MAGI1: variants seen among roughly 807,000 people sequenced by gnomAD.
MAGI1 encodes membrane-associated guanylate kinase, WW and PDZ domain-containing protein 1.
A neutral mutation model predicts 139.9 loss-of-function variants in MAGI1; 58 were observed. That is an observed-to-expected ratio of 0.41 (90% CI 0.34 to 0.52). The LOEUF is 0.52. Among genes scored for constraint, MAGI1 ranks in the 20% least tolerant of loss-of-function variants. The pLI is 0.12. For missense variants in MAGI1, 1,874 were observed against 1,901.6 expected (o/e 0.99, Z 0.27); for synonymous variants, 812 against 737.9 (o/e 1.10, Z -1.63).
chr3:65,359,751 T>C, intron 22 of MAGI1: 1 of 985,808 alleles, frequency 1.0e-6, no homozygotes, highest in Non-Finnish European at 1.2e-6. Context: ...ACCATGTATT[T>C]AAATGATCTT....
At chr3:65,401,369 CCCT>C in intron 13 of MAGI1, 67 bp downstream of exon 13, 12 of 1,187,562 alleles carry the variant, frequency 1.0e-5, no homozygotes, top group Non-Finnish European at 1.3e-5. Flanking sequence ...ACACAGAGTA[CCCT>C]CCCACCTCCA....
At chr3:65,615,896 C>T (rs529721096) in intron 2 of MAGI1, among the ~76,000 whole-genome samples, 1 of 152,164 alleles carries the variant, frequency 6.6e-6, no homozygotes, top group African/African-American at 2.4e-5. Context: ...CAGTGATATC[C>T]TTGACACAGT....
At chr3:65,595,944 T>C (rs977853829) in intron 2 of MAGI1, among the ~76,000 whole-genome samples, 1 of 152,152 alleles carries the variant, frequency 6.6e-6, no homozygotes, top group African/African-American at 2.4e-5. Context: ...TGCTTCTGTT[T>C]GCTCAGTTGA....
chr3:65,741,753 A>G (rs966957965), intron 1 of MAGI1, among the ~76,000 whole-genome samples: 5 of 152,200 alleles, frequency 3.3e-5, no homozygotes, highest in African/African-American at 9.7e-5. Context: ...CATAGACATC[A>G]AAGGATGTGT....
At chr3:65,515,336 AT>A (rs1466680479) in intron 2 of MAGI1, among the ~76,000 whole-genome samples, 3 of 152,178 alleles carry the variant, frequency 2.0e-5, no homozygotes, top group African/African-American at 7.2e-5. Context: ...GAAGACAGCA[AT>A]TTTTTAAATT....
intron 1 of MAGI1, among the ~76,000 whole-genome samples, chr3:65,958,430 G>C (rs1205708501): frequency 1.3e-5 from 2 of 152,160 alleles, no homozygotes; most frequent in African/African-American, 2.4e-5. Context: ...ATCTCAAGAA[G>C]AGGCTTACCT....
intron 2 of MAGI1, among the ~76,000 whole-genome samples, chr3:65,563,456 A>T (rs1184024464): frequency 6.6e-6 from 1 of 152,156 alleles, no homozygotes; most frequent in Non-Finnish European, 1.5e-5. Flanking sequence ...GTGATTCCTG[A>T]AGTGAGGTCA....
intron 1 of MAGI1, among the ~76,000 whole-genome samples, chr3:65,667,365 C>T (rs2086596334): frequency 6.6e-6 from 1 of 152,056 alleles, no homozygotes; most frequent in Non-Finnish European, 1.5e-5. Context: ...CCACGGTGGC[C>T]GATTCCTGGG....
At chr3:65,488,499 G>C (rs1307887182) in intron 3 of MAGI1, among the ~76,000 whole-genome samples, 1 of 95,494 alleles carries the variant, frequency 1.0e-5, no homozygotes, top group African/African-American at 3.7e-5. Context: ...ACCAAGCCCA[G>C]CTAATTTTTA....
chr3:65,921,029 A>C (rs77719701), intron 1 of MAGI1, among the ~76,000 whole-genome samples: 2 of 140,016 alleles, frequency 1.4e-5, no homozygotes, highest in African/African-American at 5.5e-5. Context: ...GTTCTGTCTC[A>C]AAAAAAAAAA....
chr3:65,987,780 G>A (rs11927918), intron 1 of MAGI1, among the ~76,000 whole-genome samples: 7,787 of 152,178 alleles, frequency 0.051, 635 homozygotes, highest in African/African-American at 0.18. Context: ...CATTGCCCAG[G>A]CTAGTCTCAA....
intron 5 of MAGI1, chr3:65,470,042 A>G: frequency 4.1e-6 from 1 of 241,588 alleles, no homozygotes; most frequent in Non-Finnish European, 7.9e-6. Context: ...TATATACCAT[A>G]ATTTAGTTGT....
chr3:65,997,855 A>T (rs990239283), intron 1 of MAGI1, among the ~76,000 whole-genome samples: 1 of 152,074 alleles, frequency 6.6e-6, no homozygotes, highest in African/African-American at 2.4e-5. Flanking sequence ...GTCTCACAAG[A>T]CAAGGCAAAA....
At chr3:65,780,931 T>A (rs1036041747) in intron 1 of MAGI1, among the ~76,000 whole-genome samples, 16 of 152,196 alleles carry the variant, frequency 1.1e-4, no homozygotes, top group Non-Finnish European at 1.3e-4. Context: ...TTTTAAAAGT[T>A]TGGATGGGCT....
At chr3:65,743,100 T>C (rs969546673) in intron 1 of MAGI1, among the ~76,000 whole-genome samples, 9 of 152,194 alleles carry the variant, frequency 5.9e-5, no homozygotes, top group South Asian at 2.1e-4. Context: ...GCTAGATACG[T>C]CTAGGCATAC....
chr3:65,835,018 T>C (rs1469164885), intron 1 of MAGI1, among the ~76,000 whole-genome samples: 1 of 152,232 alleles, frequency 6.6e-6, no homozygotes, highest in Non-Finnish European at 1.5e-5. Context: ...AGCTGGGTCA[T>C]GTTTTAGTCC....
intron 12 of MAGI1, among the ~76,000 whole-genome samples, chr3:65,426,534 A>G (rs373343520): frequency 3.3e-5 from 5 of 152,042 alleles, no homozygotes; most frequent in South Asian, 2.1e-4. Context: ...TGAGTTTATC[A>G]GTCATCTTAC....
intron 2 of MAGI1, among the ~76,000 whole-genome samples, chr3:65,613,440 G>T (rs1345357110): frequency 6.6e-6 from 1 of 152,146 alleles, no homozygotes; most frequent in African/African-American, 2.4e-5. Context: ...AAACTCCCAT[G>T]GCTTTCCCTT....
intron 14 of MAGI1, among the ~76,000 whole-genome samples, chr3:65,389,299 G>A (rs1263456141): frequency 6.6e-6 from 1 of 151,972 alleles, no homozygotes; most frequent in Non-Finnish European, 1.5e-5. Context: ...CCGCCACCAG[G>A]GTAAAAATGG....
Sources: allele counts gnomAD v4.1 joint callset (sites outside exome capture counted in the v4.1 genomes callset), GRCh38; gene constraint gnomAD v4.1.1; transcripts MANE v1.5; gene names NCBI Gene and HGNC (gene_info 2026-07-23, HGNC 2026-07-21).